Variants in HEPH observed in about 807,000 individuals in gnomAD.
The protein encoded by HEPH is hephaestin.
A neutral mutation model predicts 80.8 loss-of-function variants in HEPH; 69 were observed. The ratio of observed to expected loss-of-function variants is 0.85; its 90% CI spans 0.70 to 1.04. The LOEUF (loss-of-function observed/expected upper bound fraction) is 1.04, where lower values mean the gene tolerates loss of function less well. HEPH is among the 50% of genes least tolerant of loss of function. The pLI is 0.00. For missense variants in HEPH, 1,115 were observed against 891.3 expected, an observed-to-expected ratio of 1.25 and a Z score of -3.20; for synonymous variants, 431 against 322.8, an observed-to-expected ratio of 1.34 and a Z score of -3.60.
At chrX:66,214,865 G>A (rs966052350) in intron 15 of HEPH, among the ~76,000 whole-genome samples, 1 of 110,747 alleles carries the variant, frequency 9.0e-6, no homozygotes, top group Non-Finnish European at 1.9e-5. Flanking sequence ...TTCAGTTCTT[G>A]CAATAATATC....
At chrX:66,173,557 C>T in intron 3 of HEPH, 32 bp from the exon 4 acceptor site, 1 of 1,082,281 alleles carries the variant, frequency 9.2e-7, no homozygotes, top group South Asian at 1.9e-5. Context: ...CTCACTTATT[C>T]TGGGCCTGTG....
rs1381596042 is a variant in HEPH, at chrX:66,180,967, C to T, written c.625+7166C>T. ...GCGGTATTTGGTTTTTTTGTTCTTG[C>T]GATAGTTTACTGAGAATGATGGTTT... On this transcript the variant is annotated intron_variant, in intron 4 of 20. Coordinates refer to ENST00000343002, the MANE Select transcript of HEPH (RefSeq NM_001367233.3). Among the ~76,000 whole-genome samples, 292 of 100,051 alleles carry T rather than the reference C, an allele frequency of 2.9e-3. 4 individuals are homozygous for T. The highest frequency in any genetic ancestry group is 0.01 in the African/African-American group (274 of 26,952). The allele number at this position is 100,051 out of a possible 115,157, so 86.9% of individuals were successfully genotyped here. A position where few individuals can be genotyped will look rare whatever the true frequency, so the allele number is the denominator to read the frequency against.
intron 11 of HEPH, 132 bp downstream of exon 11, chrX:66,199,160 G>A (rs1177822481): frequency 1.6e-6 from 1 of 616,935 alleles, no homozygotes; most frequent in South Asian, 2.8e-5. Context: ...GCTAGATTGA[G>A]AGGCTCAACC....
At chrX:66,244,456 C>T (rs1037069114) in intron 15 of HEPH, among the ~76,000 whole-genome samples, 2 of 111,909 alleles carry the variant, frequency 1.8e-5, no homozygotes, top group African/African-American at 3.2e-5. Context: ...GCTGTTAATA[C>T]TTGCAATTTT....
At chrX:66,218,471 G>A (rs900300828) in intron 15 of HEPH, among the ~76,000 whole-genome samples, 3 of 111,893 alleles carry the variant, frequency 2.7e-5, no homozygotes, top group African/African-American at 6.5e-5. Flanking sequence ...CATCAAGATA[G>A]AAATTTAAAA....
At chrX:66,173,845 C>A in intron 4 of HEPH, 44 bp downstream of exon 4, 1 of 991,966 alleles carries the variant, frequency 1.0e-6, no homozygotes, top group Non-Finnish European at 1.4e-6. Flanking sequence ...TTTGGGACAT[C>A]TAGGGGTAGC....
Position 66,188,533 on chromosome X carries a change from G to A in HEPH, c.800G>A (p.Arg267Lys), listed in dbSNP as rs772244063. The change falls in exon 5 of 21, where the codon AGG becomes AAG. Residue 267 changes from arginine (R) to lysine (K), a missense_variant. Physicochemically the swap from Arg to Lys is conservative, Grantham distance 26. Around this residue, in one of 3 missense-constraint regions of HEPH, gnomAD observed 391 missense variants for 343.6 expected, o/e 1.14. Coordinates refer to ENST00000343002, the MANE Select transcript of HEPH (RefSeq NM_001367233.3). ...GATGAGACATTTCAGGAGAGCAATA[G>A]GATGCATGGTGAGTTGGGAAAAGGT... ...KEDETFQESN[R>K]MHAINGFVFG... The A allele has an allele frequency of 2.5e-6, 3 of 1,206,057 alleles. No homozygotes were observed. Among genetic ancestry groups the A allele is most frequent in the Non-Finnish European group, 3.4e-6 (3 of 892,036 alleles).
intron 15 of HEPH, among the ~76,000 whole-genome samples, chrX:66,240,488 A>G (rs1259567064): frequency 1.9e-5 from 2 of 104,660 alleles, no homozygotes; most frequent in Non-Finnish European, 3.9e-5. Flanking sequence ...CACAGACTCA[A>G]AAAACTCAAA....
At chrX:66,199,484 G>C (rs1047191967) in intron 11 of HEPH, among the ~76,000 whole-genome samples, 6 of 110,803 alleles carry the variant, frequency 5.4e-5, no homozygotes, top group Admixed American at 1.9e-4. Flanking sequence ...TTACTAGTTA[G>C]TTTCATCATT....
At chrX:66,192,066 G>T in intron 6 of HEPH, 64 bp from the exon 7 acceptor site, 1 of 1,065,475 alleles carries the variant, frequency 9.4e-7, no homozygotes, top group Non-Finnish European at 1.3e-6. Context: ...AAGGAGGAAG[G>T]TGAGTCCTCT....
At position 66,188,509 on chromosome X, in the gene HEPH, A is replaced by G. The variant is rs1256610526; in HGVS notation, c.776A>G (p.Asp259Gly). The change falls in exon 5 of 21, where the codon GAT becomes GGT. Residue 259 changes from aspartate (D) to glycine (G), a missense_variant. Transcript: ENST00000343002. Reference sequence around the variant, plus strand: ...GATCCTGCTTCAGTGGACAAAGAAGATGAGACATTTCAGGAGAGCAATAGG... The same window carrying G: ...GATCCTGCTTCAGTGGACAAAGAAGGTGAGACATTTCAGGAGAGCAATAGG... ...CSDPASVDKE[D>G]ETFQESNRMH... The G allele has an allele frequency of 8.3e-7, 1 of 1,208,656 alleles. No individual in the cohort carries two copies. The highest frequency in any genetic ancestry group is 1.1e-6 in the Non-Finnish European group (1 of 894,707).
intron 15 of HEPH, among the ~76,000 whole-genome samples, chrX:66,217,085 T>A (rs1443175780): frequency 3.6e-5 from 4 of 110,788 alleles, no homozygotes; most frequent in African/African-American, 1.3e-4. Flanking sequence ...AGAAGAGAAA[T>A]CTAAAAGTTT....
chrX:66,263,223 C>T (rs1370557197), intron 19 of HEPH, among the ~76,000 whole-genome samples: 1 of 111,671 alleles, frequency 9.0e-6, no homozygotes, highest in East Asian at 2.8e-4. Context: ...GTATGGTCCT[C>T]AGAGAAGAAC....
intron 15 of HEPH, among the ~76,000 whole-genome samples, chrX:66,233,954 T>C (rs1239424020): frequency 9.0e-6 from 1 of 111,276 alleles, no homozygotes; most frequent in African/African-American, 3.3e-5. Flanking sequence ...TCAAGTTTGT[T>C]ATATAGGTAA....
intron 1 of HEPH, among the ~76,000 whole-genome samples, chrX:66,166,212 G>A (rs1450180674): frequency 9.0e-6 from 1 of 110,940 alleles, no homozygotes; most frequent in Non-Finnish European, 1.9e-5. Flanking sequence ...TATTTTTTGA[G>A]ACCCGTGTTT....
At chrX:66,207,691 G>A (rs919786328) in intron 14 of HEPH, among the ~76,000 whole-genome samples, 2 of 111,450 alleles carry the variant, frequency 1.8e-5, no homozygotes, top group African/African-American at 6.5e-5. Flanking sequence ...TTTAATTATT[G>A]CTTTAGGTGG....
chrX:66,197,107 G>T (rs1476446797), intron 9 of HEPH, among the ~76,000 whole-genome samples: 1 of 110,007 alleles, frequency 9.1e-6, no homozygotes, highest in Non-Finnish European at 1.9e-5. Context: ...CTGATGGCAT[G>T]AAAATTTGAA....
intron 19 of HEPH, among the ~76,000 whole-genome samples, chrX:66,262,295 C>G (rs1044967568): frequency 8.9e-6 from 1 of 111,892 alleles, no homozygotes; most frequent in Non-Finnish European, 1.9e-5. Flanking sequence ...GGAAAGTCAT[C>G]TTTCTACTCT....
intron 9 of HEPH, among the ~76,000 whole-genome samples, chrX:66,195,483 T>C (rs912956222): frequency 1.9e-4 from 21 of 111,543 alleles, no homozygotes; most frequent in Admixed American, 1.4e-3. Context: ...AAGCAGACAA[T>C]TACAAAGTAA....
Sources: allele counts gnomAD v4.1 joint callset (sites outside exome capture counted in the v4.1 genomes callset), GRCh38; gene constraint gnomAD v4.1.1; regional missense constraint gnomAD v4.1.1; transcripts MANE v1.5; gene names NCBI Gene and HGNC (gene_info 2026-07-23, HGNC 2026-07-21).